Variants in CCSER2 observed in about 807,000 individuals in gnomAD.
The protein encoded by CCSER2 is coiled-coil serine rich protein 2, also known as serine-rich coiled-coil domain-containing protein 2.
A neutral mutation model predicts 92.3 loss-of-function variants in CCSER2; 46 were observed. That is an observed-to-expected ratio of 0.50 (90% CI 0.39 to 0.64). The LOEUF (loss-of-function observed/expected upper bound fraction) is 0.64, where lower values mean the gene tolerates loss of function less well. CCSER2 is among the 30% of genes least tolerant of loss of function. The pLI is 0.00. For synonymous variants in CCSER2, 433 were observed against 431.4 expected (o/e 1.00, Z -0.04); for missense variants, 1,244 against 1,238.9 (o/e 1.00, Z -0.06).
At chr10:84,388,786 C>T (rs1373393278) in intron 3 of CCSER2, among the ~76,000 whole-genome samples, 3 of 152,090 alleles carry the variant, frequency 2.0e-5, no homozygotes, top group South Asian at 2.1e-4. Context: ...CCCTCATGTG[C>T]GCAGTTCACA....
chr10:84,334,315 C>T (rs1263328756), intron 1 of CCSER2, among the ~76,000 whole-genome samples: 5 of 152,160 alleles, frequency 3.3e-5, no homozygotes, highest in South Asian at 2.1e-4. Flanking sequence ...CTTCTGCTTG[C>T]TACAGGTGCT....
Position 84,463,978 on chromosome 10 carries a change from T to C in CCSER2, c.2110T>C (p.Ser704Pro). 2 of 1,611,750 alleles carry C rather than the reference T, an allele frequency of 1.2e-6. No individual in the cohort carries two copies. The highest frequency in any genetic ancestry group is 1.7e-6 in the Non-Finnish European group (2 of 1,178,120). ...GCATGATATTCAACTGTCATTGCCATCCAGTCCAGAACCAGAAGATGGTGA... is the reference window on the plus strand; with the variant it reads ...GCATGATATTCAACTGTCATTGCCACCCAGTCCAGAACCAGAAGATGGTGA... ...SLHDIQLSLP[S>P]SPEPEDGDKV... Residue 704 changes from serine (S) to proline (P), a missense_variant, in exon 7 of 10, where the codon TCC becomes CCC. Ser to Pro is a moderately conservative substitution (Grantham distance 74). Coordinates refer to ENST00000372088, the MANE Select transcript of CCSER2 (RefSeq NM_001284240.2).
chr10:84,366,641 A>G (rs1203447965), intron 1 of CCSER2, among the ~76,000 whole-genome samples: 1 of 152,244 alleles, frequency 6.6e-6, no homozygotes, highest in Non-Finnish European at 1.5e-5. Context: ...CAAAGAAGTT[A>G]GAAAATATAG....
chr10:84,475,453 A>G (rs1298163039), intron 8 of CCSER2, among the ~76,000 whole-genome samples: 4 of 152,234 alleles, frequency 2.6e-5, no homozygotes, highest in Admixed American at 2.6e-4. Flanking sequence ...GTGAGCATAT[A>G]GACCACAGAA....
chr10:84,489,895 G>A (rs904917819), intron 9 of CCSER2, among the ~76,000 whole-genome samples: 6 of 152,182 alleles, frequency 3.9e-5, no homozygotes, highest in Non-Finnish European at 8.8e-5. Flanking sequence ...TCCTTTCCAT[G>A]TTTAGTGCTT....
intron 9 of CCSER2, among the ~76,000 whole-genome samples, chr10:84,504,483 T>A (rs1222334562): frequency 1.3e-5 from 2 of 152,180 alleles, no homozygotes; most frequent in African/African-American, 4.8e-5. Flanking sequence ...ACCTTTGCCA[T>A]TTGCCTGCTT....
At chr10:84,429,391 A>AT (rs1458163928) in intron 5 of CCSER2, among the ~76,000 whole-genome samples, 6 of 151,942 alleles carry the variant, frequency 3.9e-5, no homozygotes, top group Non-Finnish European at 7.4e-5. Flanking sequence ...ACTTCACTAT[A>AT]TATTGTAGGG....
At chr10:84,437,094 A>G (rs1239837480) in intron 5 of CCSER2, among the ~76,000 whole-genome samples, 1 of 151,928 alleles carries the variant, frequency 6.6e-6, no homozygotes, top group Non-Finnish European at 1.5e-5. Context: ...GACCAGCCTG[A>G]GCAACCCGTC....
At chr10:84,444,541 A>AT (rs958275653) in intron 6 of CCSER2, among the ~76,000 whole-genome samples, 18 of 151,628 alleles carry the variant, frequency 1.2e-4, no homozygotes, top group African/African-American at 2.7e-4. Context: ...TACAACCAGG[A>AT]TTTTTTTTTA....
At chr10:84,445,355 A>G (rs980930809) in intron 6 of CCSER2, among the ~76,000 whole-genome samples, 4 of 152,118 alleles carry the variant, frequency 2.6e-5, no homozygotes, top group African/African-American at 4.8e-5. Flanking sequence ...GGGTTTCACC[A>G]TGTTAGCCAG....
At chr10:84,348,871 T>TA in intron 1 of CCSER2, among the ~76,000 whole-genome samples, 1 of 152,188 alleles carries the variant, frequency 6.6e-6, no homozygotes, top group Non-Finnish European at 1.5e-5. Flanking sequence ...ATTTGCTCTC[T>TA]TTCATATATA....
intron 1 of CCSER2, among the ~76,000 whole-genome samples, chr10:84,369,907 G>A (rs554449507): frequency 7.9e-5 from 12 of 152,112 alleles, no homozygotes; most frequent in South Asian, 2.1e-4. Flanking sequence ...TGAATAAGGC[G>A]TTCTTTTCCC....
At chr10:84,375,868 T>C (rs1404728225) in intron 3 of CCSER2, among the ~76,000 whole-genome samples, 1 of 151,252 alleles carries the variant, frequency 6.6e-6, no homozygotes, top group Non-Finnish European at 1.5e-5. Flanking sequence ...TTTTTCTTTT[T>C]TTTTTTTCCT....
At chr10:84,408,812 C>T (rs1025360122) in intron 3 of CCSER2, among the ~76,000 whole-genome samples, 4 of 152,120 alleles carry the variant, frequency 2.6e-5, no homozygotes, top group Non-Finnish European at 2.9e-5. Context: ...GTACCCAACA[C>T]TGTCTTGTTT....
chr10:84,482,116 A>T lies in CCSER2; in HGVS notation c.2325+4452A>T, dbSNP rs558801310. Among the ~76,000 whole-genome samples, 8 of 152,296 alleles carry T rather than the reference A, an allele frequency of 5.3e-5. No homozygotes were observed. In the South Asian group the frequency reaches 1.2e-3, roughly 24 times the overall value. ...AATAAGTAAAGGGCAAGTCAGTAAA[A>T]GCAGTTTTCAGAAGAAATGAAGGAA... On this transcript the variant is annotated intron_variant, in intron 9 of 9. Transcript: ENST00000372088.
chr10:84,425,655 TA>T, intron 4 of CCSER2, 75 bp from the exon 5 acceptor site: 3 of 950,038 alleles, frequency 3.2e-6, no homozygotes, highest in Non-Finnish European at 4.4e-6. Context: ...TTACAGCATT[TA>T]ATTATCAAGC....
At chr10:84,337,835 G>A (rs11200998) in intron 1 of CCSER2, among the ~76,000 whole-genome samples, 50,514 of 152,052 alleles carry the variant, frequency 0.33, 9,926 homozygotes, top group African/African-American at 0.55. Flanking sequence ...TGGAGGGGCA[G>A]GAGAGAGGGT....
intron 1 of CCSER2, among the ~76,000 whole-genome samples, chr10:84,358,463 T>C (rs941029008): frequency 1.3e-5 from 2 of 152,006 alleles, no homozygotes; most frequent in Non-Finnish European, 2.9e-5. Flanking sequence ...ATACCATTAA[T>C]GTTCCTCTAG....
intron 3 of CCSER2, among the ~76,000 whole-genome samples, chr10:84,396,434 C>T (rs1282822076): frequency 1.3e-5 from 2 of 151,260 alleles, no homozygotes; most frequent in Non-Finnish European, 2.9e-5. Context: ...GTACTGTTTT[C>T]CAAGTTTACT....
Sources: gnomAD v4.1 joint callset for allele counts (sites outside exome capture counted in the v4.1 genomes callset) on GRCh38, gnomAD v4.1.1 for gene constraint, MANE v1.5 for transcripts, NCBI Gene and HGNC (gene_info 2026-07-23, HGNC 2026-07-21) for gene names.